Variants in PCOLCE2 observed in about 807,000 individuals in gnomAD.
PCOLCE2 encodes the protein procollagen C-proteinase enhancer 2.
In PCOLCE2, 42 loss-of-function variants were observed where a neutral mutation model predicts 47.0. The ratio of observed to expected loss-of-function variants is 0.89; its 90% CI spans 0.70 to 1.16. The LOEUF is 1.16. Ranked by LOEUF, PCOLCE2 falls within the 50% of genes most tolerant of loss-of-function variation. The pLI, the probability that PCOLCE2 is intolerant of heterozygous loss-of-function variation, is 0.00. For missense variants in PCOLCE2, 500 were observed against 526.1 expected (o/e 0.95, Z 0.49); for synonymous variants, 169 against 191.7 (o/e 0.88, Z 0.98).
At chr3:142,858,412 G>A (rs751737599) in intron 2 of PCOLCE2, among the ~76,000 whole-genome samples, 6 of 152,166 alleles carry the variant, frequency 3.9e-5, no homozygotes, top group Non-Finnish European at 5.9e-5. Flanking sequence ...GAATAGTTTC[G>A]GGATTTTCTT....
At chr3:142,820,785 C>T in intron 8 of PCOLCE2, 93 bp downstream of exon 8, 4 of 1,054,960 alleles carry the variant, frequency 3.8e-6, no homozygotes, top group African/African-American at 1.6e-5. Context: ...AAGAAGTGGG[C>T]AACATATTAG....
chr3:142,862,035 A>C (rs1933191203), intron 2 of PCOLCE2, among the ~76,000 whole-genome samples: 1 of 152,072 alleles, frequency 6.6e-6, no homozygotes, highest in African/African-American at 2.4e-5. Context: ...TCAGTGCCAC[A>C]CCTGGGCCTG....
At chr3:142,845,223 T>C (rs1006553896) in intron 3 of PCOLCE2, among the ~76,000 whole-genome samples, 1 of 152,228 alleles carries the variant, frequency 6.6e-6, no homozygotes, top group Admixed American at 6.5e-5. Context: ...ATGGGTTCTC[T>C]AGGGATTATA....
At chr3:142,821,289 C>T (rs1229240112) in intron 7 of PCOLCE2, among the ~76,000 whole-genome samples, 4 of 152,166 alleles carry the variant, frequency 2.6e-5, no homozygotes, top group South Asian at 2.1e-4. Context: ...TGCCACACTG[C>T]GGTCCATTGC....
chr3:142,818,872 G>A (rs1252038818), intron 8 of PCOLCE2, among the ~76,000 whole-genome samples: 1 of 152,266 alleles, frequency 6.6e-6, no homozygotes, highest in Non-Finnish European at 1.5e-5. Context: ...CTGCAGTGCT[G>A]TAGGTCTGTT....
Position 142,829,797 on chromosome 3 carries a change from A to G in PCOLCE2, c.760T>C (p.Leu254=). Residue 254 remains leucine (L), a synonymous_variant, in exon 6 of 9, where the codon TTA becomes CTA. Transcript: ENST00000295992. Reference sequence around the variant, plus strand: ...ATAAACCCATCTGCAGTTAAACTTAAGTCTGATAAAAACTGAATAAGAAGT... The same window carrying G: ...ATAAACCCATCTGCAGTTAAACTTAGGTCTGATAAAAACTGAATAAGAAGT... ...NELLIQFLSD[L]SLTADGFIGH... is the part of the protein sequence containing the mutation. The G allele has an allele frequency of 6.2e-7, 1 of 1,605,964 alleles. No homozygotes were observed. Among genetic ancestry groups the G allele is most frequent in the Non-Finnish European group, 8.5e-7 (1 of 1,174,594 alleles).
At chr3:142,828,681 C>T (rs1334289772) in intron 6 of PCOLCE2, among the ~76,000 whole-genome samples, 2 of 152,188 alleles carry the variant, frequency 1.3e-5, no homozygotes, top group Non-Finnish European at 2.9e-5. Context: ...TAGCTACAGT[C>T]ACATTGTGTC....
intron 2 of PCOLCE2, among the ~76,000 whole-genome samples, chr3:142,878,781 G>T (rs1933549304): frequency 6.6e-6 from 1 of 152,002 alleles, no homozygotes; most frequent in Non-Finnish European, 1.5e-5. Flanking sequence ...TTGAATCCAG[G>T]AAGCGGAGGC....
At chr3:142,864,347 G>A (rs1041703156) in intron 2 of PCOLCE2, 3 of 152,088 alleles carry the variant, frequency 2.0e-5, no homozygotes, top group South Asian at 2.1e-4. Context: ...GAGAGTCTTC[G>A]AATGCCATAT....
rs143959509 is a variant in PCOLCE2, at chr3:142,848,438, C to T, written c.227G>A (p.Arg76Gln). The change falls in exon 3 of 9, where the codon CGA (arginine) becomes CAA (glutamine). Residue 76 changes from arginine to glutamine, a missense_variant. By Grantham distance (43) the Arg-to-Gln change is conservative. Transcript: ENST00000295992. ...PEGKVVVLNF[R>Q]FIDLESDNLC... ...GTTGTCACTCTCGAGGTCTATGAAT[C>T]GGAAATTGAGAACGACTACTTTTCC... 95 of 1,602,664 alleles carry T rather than the reference C, an allele frequency of 5.9e-5. No homozygotes were observed. The highest frequency in any genetic ancestry group is 7.6e-5 in the Non-Finnish European group (89 of 1,170,832).
intron 2 of PCOLCE2, among the ~76,000 whole-genome samples, chr3:142,872,614 C>A (rs1238582624): frequency 1.3e-5 from 2 of 152,138 alleles, no homozygotes; most frequent in African/African-American, 2.4e-5. Context: ...ATCCCCATTC[C>A]AACATCCTTC....
At chr3:142,872,815 C>G (rs1933420348) in intron 2 of PCOLCE2, among the ~76,000 whole-genome samples, 1 of 152,110 alleles carries the variant, frequency 6.6e-6, no homozygotes, top group South Asian at 2.1e-4. Context: ...ACAATTTAGC[C>G]AGAGCCAAGT....
chr3:142,855,096 T>A (rs918517690), intron 2 of PCOLCE2, among the ~76,000 whole-genome samples: 9 of 152,132 alleles, frequency 5.9e-5, no homozygotes, highest in Admixed American at 5.9e-4. Flanking sequence ...CGGGTCTCAC[T>A]CCACCTCATC....
intron 2 of PCOLCE2, among the ~76,000 whole-genome samples, chr3:142,861,451 A>T (rs1933181539): frequency 6.6e-6 from 1 of 151,588 alleles, no homozygotes; most frequent in Non-Finnish European, 1.5e-5. Context: ...TCTACCTCTT[A>T]TTTTGTTCTA....
intron 2 of PCOLCE2, among the ~76,000 whole-genome samples, chr3:142,861,172 C>A (rs183900210): frequency 7.7e-4 from 118 of 152,368 alleles, no homozygotes; most frequent in Non-Finnish European, 1.5e-3. Flanking sequence ...TGCTCCACTG[C>A]CTTCTAGCTT....
In PCOLCE2 at chr3:142,820,985, G is replaced by C. The variant is rs2304735; in HGVS notation, c.1010C>G (p.Ser337Trp). 3.1e-6 allele frequency: 5 copies of C among 1,613,864 alleles called. No individual in the cohort carries two copies. The African/African-American group carries it at 4.0e-5, about 13-fold the overall frequency. ...TCCCTCTTTGTAGATGTTGATGATC[G>C]AGACTGTGGCGTGCAAACTCCCATC... ...TRDGSLHATVSIINIYKEGNL... is the reference protein window; with the variant it reads ...TRDGSLHATVWIINIYKEGNL... Residue 337 changes from serine to tryptophan, a missense_variant, in exon 8 of 9, where the codon TCG becomes TGG. Ser to Trp is a radical substitution (Grantham distance 177). Coordinates refer to ENST00000295992, the MANE Select transcript of PCOLCE2 (RefSeq NM_013363.4).
At chr3:142,878,460 ACTGT>A (rs1933543596) in intron 2 of PCOLCE2, among the ~76,000 whole-genome samples, 3 of 152,168 alleles carry the variant, frequency 2.0e-5, no homozygotes, top group Non-Finnish European at 4.4e-5. Flanking sequence ...ATAAGGTGCA[ACTGT>A]CTAAGTTGAG....
intron 2 of PCOLCE2, among the ~76,000 whole-genome samples, chr3:142,878,969 G>A (rs1357204922): frequency 6.6e-6 from 1 of 152,062 alleles, no homozygotes; most frequent in Non-Finnish European, 1.5e-5. Context: ...GTCAAAACCT[G>A]AGAGATTTTA....
intron 2 of PCOLCE2, among the ~76,000 whole-genome samples, chr3:142,875,246 G>T (rs989483209): frequency 1.3e-5 from 2 of 152,084 alleles, no homozygotes; most frequent in Non-Finnish European, 2.9e-5. Flanking sequence ...CCACTAAAGC[G>T]CAATGGCTCA....
Sources: allele counts gnomAD v4.1 joint callset (sites outside exome capture counted in the v4.1 genomes callset), GRCh38; gene constraint gnomAD v4.1.1; transcripts MANE v1.5; gene names NCBI Gene and HGNC (gene_info 2026-07-23, HGNC 2026-07-21).